Variants in ITPR2 observed in about 807,000 individuals in gnomAD.
ITPR2 encodes inositol 1,4,5-trisphosphate-gated calcium channel ITPR2.
ITPR2 carries 207 observed loss-of-function variants against 317.1 expected under a neutral mutation model. The ratio of observed to expected loss-of-function variants is 0.65; its 90% CI spans 0.58 to 0.73. The LOEUF is 0.73. ITPR2 is among the 30% of genes least tolerant of loss of function. The pLI is 0.00. For missense variants in ITPR2, 2,613 were observed against 3,284.0 expected (o/e 0.80, Z 4.99); for synonymous variants, 1,156 against 1,149.1 (o/e 1.01, Z -0.12).
chr12:26,501,269 T>A, intron 37 of ITPR2, among the ~76,000 whole-genome samples: 1 of 152,202 alleles, frequency 6.6e-6, no homozygotes, highest in Admixed American at 6.5e-5. Flanking sequence ...ATACGTCTGA[T>A]TAGGTATTTT....
intron 2 of ITPR2, among the ~76,000 whole-genome samples, chr12:26,755,728 A>G (rs1949509709): frequency 6.6e-6 from 1 of 152,228 alleles, no homozygotes; most frequent in African/African-American, 2.4e-5. Flanking sequence ...CGGTTATTTT[A>G]CCGAGGCTTT....
intron 2 of ITPR2, among the ~76,000 whole-genome samples, chr12:26,773,891 T>G (rs1285823549): frequency 6.6e-6 from 1 of 151,878 alleles, no homozygotes; most frequent in Non-Finnish European, 1.5e-5. Flanking sequence ...CTTAAGAGGT[T>G]AATAATATGG....
chr12:26,434,452 A>G (rs1165532934), intron 48 of ITPR2, among the ~76,000 whole-genome samples: 1 of 152,172 alleles, frequency 6.6e-6, no homozygotes, highest in Non-Finnish European at 1.5e-5. Context: ...CTGAATGAGT[A>G]AAGAGCAACT....
At chr12:26,696,353 G>C (rs1324208440) in intron 9 of ITPR2, among the ~76,000 whole-genome samples, 1 of 152,114 alleles carries the variant, frequency 6.6e-6, no homozygotes, top group African/African-American at 2.4e-5. Flanking sequence ...TATGAGGTGT[G>C]TTTCTTGAAA....
chr12:26,813,886 G>A lies in ITPR2; in HGVS notation c.92+18804C>T, dbSNP rs567659965. ...GTAAGGACTTAGGAAATGTGGCTTC[G>A]TGAAGGTAAAGGGGTGATTTTATTT... On this transcript the variant is annotated intron_variant, in intron 1 of 56. Transcript: ENST00000381340. 2.0e-4 allele frequency among the ~76,000 whole-genome samples: 30 copies of A among 152,272 alleles called. No individual in the cohort carries two copies. In the South Asian group the frequency reaches 2.5e-3, roughly 13 times the overall value.
chr12:26,514,446 T>C (rs1467941799), intron 37 of ITPR2, among the ~76,000 whole-genome samples: 1 of 152,198 alleles, frequency 6.6e-6, no homozygotes, highest in Non-Finnish European at 1.5e-5. Context: ...ATCAATTGAG[T>C]TCCAGCCTGG....
rs1163484024 is a variant in ITPR2 at position 26,337,411 on chromosome 12, T to C, written c.*1986A>G. 1.3e-5 allele frequency: 2 copies of C among 152,218 alleles called. 1 individual carries two copies. Among genetic ancestry groups the C allele is most frequent in the African/African-American group, 4.8e-5 (2 of 41,470 alleles). The allele number at this position is 152,218 out of a possible 1,614,324, so 9.4% of individuals were successfully genotyped here. ...TATTTACTACCTTTCTCTTCTATTC[T>C]CTATCCATAAAACTCTGCCTGATTA... On this transcript the variant is annotated 3_prime_UTR_variant, in exon 57 of 57. Coordinates refer to ENST00000381340, the MANE Select transcript of ITPR2 (RefSeq NM_002223.4).
Position 26,339,317 on chromosome 12 carries a change from A to G in ITPR2, c.*80T>C. The G allele has an allele frequency of 1.6e-6, 2 of 1,233,784 alleles. No homozygotes were observed. The highest frequency in any genetic ancestry group is 2.3e-5 in the East Asian group (1 of 42,654). 76.4% of individuals were successfully genotyped at this position (1,233,784 alleles called of 1,614,324 possible). Reference sequence around the variant, plus strand: ...AACTTTTCAACAATAGGCACTGTTCACTCCCCTCCATCTCAGTTCTTTATT... The same window carrying G: ...AACTTTTCAACAATAGGCACTGTTCGCTCCCCTCCATCTCAGTTCTTTATT... On this transcript the variant is annotated 3_prime_UTR_variant, in exon 57 of 57. Coordinates refer to ENST00000381340, the MANE Select transcript of ITPR2 (RefSeq NM_002223.4).
chr12:26,817,196 AAAAAAAG>A (rs1266433148), intron 1 of ITPR2, among the ~76,000 whole-genome samples: 3 of 150,864 alleles, frequency 2.0e-5, no homozygotes, highest in African/African-American at 4.9e-5. Flanking sequence ...AAAAAAAAAA[AAAAAAAG>A]GGCAGTACGA....
At chr12:26,804,492 A>T (rs1188735624) in intron 1 of ITPR2, among the ~76,000 whole-genome samples, 4 of 152,052 alleles carry the variant, frequency 2.6e-5, no homozygotes, top group African/African-American at 9.7e-5. Context: ...AACCCACATG[A>T]CCTCTGAAAG....
intron 2 of ITPR2, among the ~76,000 whole-genome samples, chr12:26,727,145 T>A (rs1195776037): frequency 6.6e-6 from 1 of 152,220 alleles, no homozygotes; most frequent in Non-Finnish European, 1.5e-5. Context: ...AATGTTTTCC[T>A]TGGCAGTGTA....
At chr12:26,424,474 C>T (rs181780193) in intron 49 of ITPR2, among the ~76,000 whole-genome samples, 1 of 151,458 alleles carries the variant, frequency 6.6e-6, no homozygotes, top group East Asian at 1.9e-4. Context: ...ACTTAAGGTA[C>T]AAGATATGAC....
At position 26,790,586 on chromosome 12, in the gene ITPR2, TACAC is replaced by T. The variant is rs10527860; in HGVS notation, c.93-363_93-360del. ...CCAATCAATAAGATACATATATGCT[TACAC>T]ACACACACACACACACACACACACA... On this transcript the variant is annotated intron_variant, in intron 1 of 56. Coordinates refer to ENST00000381340, the MANE Select transcript of ITPR2 (RefSeq NM_002223.4). 5.4e-3 allele frequency among the ~76,000 whole-genome samples: 794 copies of T among 147,766 alleles called. 6 individuals carry two copies. The highest frequency in any genetic ancestry group is 0.014 in the African/African-American group (575 of 39,936).
chr12:26,637,333 T>C (rs372529507), intron 21 of ITPR2, among the ~76,000 whole-genome samples: 23 of 152,202 alleles, frequency 1.5e-4, no homozygotes, highest in East Asian at 1.4e-3. Flanking sequence ...ACAGATATGA[T>C]GGTAGTAGTA....
At chr12:26,503,048 A>AGT (rs1313340648) in intron 37 of ITPR2, among the ~76,000 whole-genome samples, 1 of 152,108 alleles carries the variant, frequency 6.6e-6, no homozygotes, top group Non-Finnish European at 1.5e-5. Context: ...TCTCAACAGT[A>AGT]GTGCAGTCCT....
intron 32 of ITPR2, among the ~76,000 whole-genome samples, chr12:26,594,520 T>C (rs1945791983): frequency 6.6e-6 from 1 of 152,006 alleles, no homozygotes; most frequent in African/African-American, 2.4e-5. Flanking sequence ...ATCTTTCTCC[T>C]CCAAATACAT....
chr12:26,637,675 C>T (rs931899775), intron 21 of ITPR2, among the ~76,000 whole-genome samples: 2 of 152,140 alleles, frequency 1.3e-5, no homozygotes, highest in East Asian at 1.9e-4. Flanking sequence ...TGCATGCTTT[C>T]GCTACACCTC....
chr12:26,389,804 G>C (rs1021673627), intron 54 of ITPR2, among the ~76,000 whole-genome samples: 2 of 152,068 alleles, frequency 1.3e-5, no homozygotes, highest in African/African-American at 4.8e-5. Flanking sequence ...AAGATAAAGA[G>C]GTAAAATGAT....
intron 37 of ITPR2, among the ~76,000 whole-genome samples, chr12:26,539,080 C>A (rs1852988898): frequency 6.6e-6 from 1 of 152,134 alleles, no homozygotes; most frequent in African/African-American, 2.4e-5. Context: ...GGTTTTGGTG[C>A]CTCATATACC....
Sources: gnomAD v4.1 joint callset for allele counts (sites outside exome capture counted in the v4.1 genomes callset) on GRCh38, gnomAD v4.1.1 for gene constraint, MANE v1.5 for transcripts, NCBI Gene and HGNC (gene_info 2026-07-23, HGNC 2026-07-21) for gene names.